The following RNF214 variants were observed in gnomAD, a reference collection of about 807,000 sequenced individuals.
RNF214 encodes the protein ring finger protein 214.
Under a neutral mutation model 75.9 loss-of-function variants are expected in RNF214, and 25 were observed. The ratio of observed to expected loss-of-function variants is 0.33; its 90% CI spans 0.24 to 0.46. The LOEUF (loss-of-function observed/expected upper bound fraction) is 0.46, where lower values mean the gene tolerates loss of function less well. Ranked by LOEUF, RNF214 falls within the 20% of genes least tolerant of loss-of-function variation. The probability of loss-of-function intolerance (pLI) is 1.00; values close to 1 mark genes in which losing one functional copy is unlikely to be tolerated. For missense variants in RNF214, 725 were observed against 857.5 expected, an observed-to-expected ratio of 0.85 and a Z score of 1.93; for synonymous variants, 314 against 308.8, an observed-to-expected ratio of 1.02 and a Z score of -0.18.
chr11:117,252,502 C>G (rs77262524), intron 6 of RNF214, among the ~76,000 whole-genome samples: 5,212 of 152,180 alleles, frequency 0.034, 151 homozygotes, highest in South Asian at 0.14. Context: ...TTGCCTGTGC[C>G]ATTTCTTTAT....
chr11:117,233,607 G>A (rs1346881740), intron 1 of RNF214, among the ~76,000 whole-genome samples: 1 of 152,138 alleles, frequency 6.6e-6, no homozygotes, highest in African/African-American at 2.4e-5. Context: ...CCTTACTTGT[G>A]TTACCATGTT....
intron 10 of RNF214, 55 bp from the exon 11 acceptor site, chr11:117,281,839 C>T: frequency 6.3e-7 from 1 of 1,586,420 alleles, no homozygotes. Context: ...CTCCAGTTTC[C>T]TAAACTTTCT....
rs578219894 is a variant in RNF214, at chr11:117,257,880, T to A, written c.959+10932T>A. 3.3e-5 allele frequency among the ~76,000 whole-genome samples: 5 copies of A among 152,298 alleles called. No individual in the cohort carries two copies. In the East Asian group the frequency reaches 9.6e-4, roughly 29 times the overall value. On this transcript the variant is annotated intron_variant, in intron 6 of 14. Transcript: ENST00000300650. ...GATGCTATTCAGTAATCAACTGGGATTTTTAGGCAAAGGAATTAAATTACT... is the reference window on the plus strand; with the variant it reads ...GATGCTATTCAGTAATCAACTGGGAATTTTAGGCAAAGGAATTAAATTACT...
At chr11:117,243,942 A>G (rs968118610) in intron 4 of RNF214, among the ~76,000 whole-genome samples, 26 of 152,142 alleles carry the variant, frequency 1.7e-4, no homozygotes, top group African/African-American at 6.3e-4. Context: ...TCTTTAGTGG[A>G]TCCATCAGTT....
intron 2 of RNF214, among the ~76,000 whole-genome samples, chr11:117,238,161 C>T (rs61906493): frequency 0.051 from 7,738 of 152,192 alleles, 319 homozygotes; most frequent in East Asian, 0.15. Context: ...AATTCCAACA[C>T]TTTGGGAGGC....
chr11:117,254,905 C>T (rs2033483556), intron 6 of RNF214, among the ~76,000 whole-genome samples: 1 of 152,150 alleles, frequency 6.6e-6, no homozygotes, highest in Non-Finnish European at 1.5e-5. Context: ...AGATTATAGG[C>T]TTGAGCCACT....
chr11:117,248,365 C>T (rs1407165798), intron 6 of RNF214, among the ~76,000 whole-genome samples: 8 of 152,280 alleles, frequency 5.3e-5, no homozygotes, highest in African/African-American at 1.4e-4. Flanking sequence ...CATGAGCCAC[C>T]GCGCCCAGCC....
intron 4 of RNF214, among the ~76,000 whole-genome samples, chr11:117,243,813 C>T (rs1371166562): frequency 6.6e-6 from 1 of 152,126 alleles, no homozygotes; most frequent in African/African-American, 2.4e-5. Context: ...TGCCTTGGCC[C>T]CTCAAAGCTG....
chr11:117,280,516 A>G (rs1016685248), intron 8 of RNF214, among the ~76,000 whole-genome samples: 11 of 152,152 alleles, frequency 7.2e-5, no homozygotes, highest in Non-Finnish European at 1.3e-4. Context: ...GATAAACACT[A>G]TCTGTTAAAG....
chr11:117,269,446 C>T (rs375233472), intron 6 of RNF214, among the ~76,000 whole-genome samples: 4 of 152,086 alleles, frequency 2.6e-5, no homozygotes, highest in South Asian at 2.1e-4. Context: ...ACCACAGCCT[C>T]GACCTCCCCA....
At chr11:117,262,260 T>G (rs941827150) in intron 6 of RNF214, among the ~76,000 whole-genome samples, 7 of 151,604 alleles carry the variant, frequency 4.6e-5, no homozygotes, top group African/African-American at 1.7e-4. Flanking sequence ...CTAATTTTTT[T>G]GTATTTTTAG....
intron 6 of RNF214, among the ~76,000 whole-genome samples, chr11:117,276,433 G>C (rs1591840061): frequency 6.6e-6 from 1 of 152,000 alleles, no homozygotes; most frequent in Non-Finnish European, 1.5e-5. Context: ...AATATAGTGG[G>C]ACTCTTTCTC....
chr11:117,235,473 G>T (rs986482430), intron 2 of RNF214, among the ~76,000 whole-genome samples: 12 of 150,604 alleles, frequency 8.0e-5, no homozygotes, highest in African/African-American at 2.9e-4. Flanking sequence ...TGGGATTACA[G>T]GCGTGAGTCA....
intron 6 of RNF214, among the ~76,000 whole-genome samples, chr11:117,247,505 AT>A (rs1032878748): frequency 4.6e-5 from 7 of 151,840 alleles, no homozygotes; most frequent in East Asian, 1.9e-4. Flanking sequence ...TTAAAAAAAA[AT>A]TTTTTTTATA....
At chr11:117,239,895 A>G (rs954271049) in intron 4 of RNF214, 35 bp downstream of exon 4, 1 of 1,121,996 alleles carries the variant, frequency 8.9e-7, no homozygotes, top group East Asian at 2.3e-5. Flanking sequence ...ATATGAAGCC[A>G]TTATCAAATA....
chr11:117,278,097 G>A (rs1382883547), intron 6 of RNF214, among the ~76,000 whole-genome samples: 1 of 152,114 alleles, frequency 6.6e-6, no homozygotes, highest in Admixed American at 6.5e-5. Context: ...GAGGTCAGGA[G>A]ATCGAGACCA....
chr11:117,235,726 T>C (rs2032889198), intron 2 of RNF214, among the ~76,000 whole-genome samples: 1 of 152,078 alleles, frequency 6.6e-6, no homozygotes, highest in Non-Finnish European at 1.5e-5. Context: ...GACTGGGTAT[T>C]TTACTTTTCA....
Position 117,282,782 on chromosome 11 carries a change from C to T in RNF214, c.1882C>T (p.Leu628=). The change falls in exon 13 of 15, where the codon CTG becomes TTG. Residue 628 remains leucine (L), a synonymous_variant. Transcript: ENST00000300650. ...CATCCGGGCCTTGTTCCCTGCTCCA[C>T]TGGCCCAAATCAGTACCCCAATGTT... is the stretch of plus-strand genomic sequence containing the variant. ...GRIRALFPAP[L]AQISTPMFLP... 1.2e-6 allele frequency: 2 copies of T among 1,614,146 alleles called. No homozygotes were observed. Among genetic ancestry groups the T allele is most frequent in the South Asian group, 1.1e-5 (1 of 91,088 alleles).
chr11:117,241,244 G>A (rs913964129), intron 4 of RNF214, among the ~76,000 whole-genome samples: 3 of 151,638 alleles, frequency 2.0e-5, no homozygotes, highest in Non-Finnish European at 4.4e-5. Flanking sequence ...GGGAGGTTGA[G>A]GTAGAAGAAT....
Sources: allele counts gnomAD v4.1 joint callset (sites outside exome capture counted in the v4.1 genomes callset), GRCh38; gene constraint gnomAD v4.1.1; transcripts MANE v1.5; gene names NCBI Gene and HGNC (gene_info 2026-07-23, HGNC 2026-07-21).